PHC3: variants seen among roughly 807,000 people sequenced by gnomAD.
PHC3 encodes polyhomeotic homolog 3.
A neutral mutation model predicts 107.4 loss-of-function variants in PHC3; 13 were observed. The observed-to-expected ratio is 0.12, with a 90% CI of 0.08 to 0.19. The LOEUF is 0.19. Ranked by LOEUF, PHC3 falls within the 10% of genes least tolerant of loss-of-function variation. The pLI is 1.00. For missense variants in PHC3, 992 were observed against 1,210.9 expected, an observed-to-expected ratio of 0.82 and a Z score of 2.68; for synonymous variants, 456 against 427.4, an observed-to-expected ratio of 1.07 and a Z score of -0.83.
chr3:170,127,228 G>A (rs906732570), intron 8 of PHC3, among the ~76,000 whole-genome samples: 1 of 152,094 alleles, frequency 6.6e-6, no homozygotes, highest in African/African-American at 2.4e-5. Context: ...TGCCCAGGCC[G>A]CAATCTCGGC....
chr3:170,177,931 A>C lies in PHC3; in HGVS notation c.180+842T>G, dbSNP rs367847489. ...AGCTATCTCCCTGCCTTGGTCTCCC[A>C]CAGTGTTGGGATTACAGGCGTGAGC... is the stretch of plus-strand genomic sequence containing the variant. On this transcript the variant is annotated intron_variant, in intron 2 of 14. Transcript: ENST00000495893. Among the ~76,000 whole-genome samples the C allele has an allele frequency of 2.0e-5, 3 of 152,122 alleles. No individual in the cohort carries two copies. The South Asian group carries it at 6.2e-4, about 32-fold the overall frequency.
chr3:170,177,011 C>A (rs1730586086), intron 2 of PHC3: 3 of 345,236 alleles, frequency 8.7e-6, no homozygotes, highest in South Asian at 2.2e-5. Flanking sequence ...ATTGCCCCAA[C>A]CTCCATTATC....
At chr3:170,107,723 T>C (rs1716838552) in intron 11 of PHC3, among the ~76,000 whole-genome samples, 1 of 152,238 alleles carries the variant, frequency 6.6e-6, no homozygotes, top group African/African-American at 2.4e-5. Context: ...ATGCTTTTTT[T>C]CATCATGCTT....
At chr3:170,155,779 A>C (rs1040502673) in intron 4 of PHC3, among the ~76,000 whole-genome samples, 2 of 152,114 alleles carry the variant, frequency 1.3e-5, no homozygotes, top group African/African-American at 4.8e-5. Context: ...ATACATACTC[A>C]TAACATGATA....
At chr3:170,145,221 A>G (rs1185788045) in intron 6 of PHC3, among the ~76,000 whole-genome samples, 1 of 152,238 alleles carries the variant, frequency 6.6e-6, no homozygotes, top group African/African-American at 2.4e-5. Context: ...AATAACCTAA[A>G]TATCTGTGTT....
At position 170,122,735 on chromosome 3, in the gene PHC3, C is replaced by T. The variant is rs1720588284; in HGVS notation, c.1798G>A (p.Val600Ile). Residue 600 changes from valine (V) to isoleucine (I), a missense_variant, in exon 9 of 15, where the codon GTA becomes ATA. By Grantham distance (29) the Val-to-Ile change is conservative. This residue lies in a region of PHC3 where 543 missense variants were observed against 590.8 expected (regional missense o/e 0.92). Transcript: ENST00000495893. ...APVDPPVVYQ[V>I]EDVCEEEMPE... The stretch of plus-strand genomic sequence containing the variant: ...ATTTCTTCTTCACACACATCTTCTA[C>T]CTGATAAACCTGCAATGACAAACCA... 1.9e-6 allele frequency: 3 copies of T among 1,613,734 alleles called. No individual in the cohort carries two copies. The highest frequency in any genetic ancestry group is 4.5e-5 in the East Asian group (2 of 44,876).
chr3:170,100,070 T>C (rs1478252544), intron 14 of PHC3, among the ~76,000 whole-genome samples: 1 of 152,184 alleles, frequency 6.6e-6, no homozygotes, highest in Admixed American at 6.5e-5. Context: ...GATTCTGGTC[T>C]ACTGCATACA....
intron 1 of PHC3, among the ~76,000 whole-genome samples, chr3:170,180,477 A>G (rs1731209732): frequency 6.6e-6 from 1 of 152,084 alleles, no homozygotes; most frequent in Non-Finnish European, 1.5e-5. Context: ...AAATAAGAGG[A>G]AAAGTGAAAG....
In PHC3 at chr3:170,095,281, T is replaced by C. The variant is rs1365808613; in HGVS notation, c.*1949A>G. 6.6e-6 allele frequency: 1 copy of C among 152,170 alleles called. No homozygotes were observed. Among genetic ancestry groups the C allele is most frequent in the Non-Finnish European group, 1.5e-5 (1 of 68,020 alleles). The allele number at this position is 152,170 out of a possible 1,614,324, so 9.4% of individuals were successfully genotyped here. A position where few individuals can be genotyped will look rare whatever the true frequency, so the allele number is the denominator to read the frequency against. The stretch of plus-strand genomic sequence containing the variant: ...ATGTGATATAAAGAAATACGTAACA[T>C]AGACTACAAGCTATCGTAGGTCTGG... On this transcript the variant is annotated 3_prime_UTR_variant, in exon 15 of 15. Transcript: ENST00000495893.
chr3:170,158,386 G>A lies in PHC3; in HGVS notation c.415-9142C>T, dbSNP rs533993290. Among the ~76,000 whole-genome samples the A allele has an allele frequency of 4.6e-5, 7 of 151,958 alleles. No homozygotes were observed. In the East Asian group the frequency reaches 9.7e-4, roughly 21 times the overall value. On this transcript the variant is annotated intron_variant, in intron 4 of 14. Transcript: ENST00000495893. ...CAAAAAATCGAGGCAGGCGAATCAC[G>A]AGGTCAGAAGTTCGAAACCAGCCTG...
At chr3:170,127,118 A>T (rs1480499221) in intron 8 of PHC3, among the ~76,000 whole-genome samples, 1 of 152,096 alleles carries the variant, frequency 6.6e-6, no homozygotes, top group African/African-American at 2.4e-5. Flanking sequence ...TCCATAGTAA[A>T]CTCCAAAAAT....
intron 4 of PHC3, among the ~76,000 whole-genome samples, chr3:170,153,567 T>A (rs1726369424): frequency 6.6e-6 from 1 of 151,874 alleles, no homozygotes; most frequent in Non-Finnish European, 1.5e-5. Context: ...ATTGAGACCA[T>A]CCTGGATAAC....
intron 12 of PHC3, among the ~76,000 whole-genome samples, chr3:170,103,281 AAAG>A (rs1715829096): frequency 6.6e-6 from 1 of 152,254 alleles, no homozygotes; most frequent in African/African-American, 2.4e-5. Context: ...TCCGAAAGAA[AAAG>A]AAGTTATGTA....
At chr3:170,126,634 C>T (rs909084834) in intron 8 of PHC3, among the ~76,000 whole-genome samples, 1 of 150,742 alleles carries the variant, frequency 6.6e-6, no homozygotes, top group Non-Finnish European at 1.5e-5. Flanking sequence ...CTCTGCCTCA[C>T]GGGTTCAAGC....
chr3:170,151,160 A>G (rs1037414696), intron 4 of PHC3, among the ~76,000 whole-genome samples: 2 of 151,638 alleles, frequency 1.3e-5, no homozygotes, highest in African/African-American at 4.8e-5. Flanking sequence ...GCAGTGACCC[A>G]AGATCACGCC....
chr3:170,145,599 G>T, intron 5 of PHC3, 78 bp from the exon 6 acceptor site: 1 of 978,888 alleles, frequency 1.0e-6, no homozygotes, highest in Non-Finnish European at 1.5e-6. Context: ...AGGCAAGAGA[G>T]ACTGAAATTT....
intron 9 of PHC3, 52 bp from the exon 10 acceptor site, chr3:170,117,528 A>G (rs1163437144): frequency 1.3e-6 from 2 of 1,535,890 alleles, no homozygotes; most frequent in South Asian, 1.3e-5. Context: ...ATTTTGCCCA[A>G]GCAAATGAAA....
intron 4 of PHC3, among the ~76,000 whole-genome samples, chr3:170,157,313 A>T (rs776286577): frequency 6.6e-6 from 1 of 152,240 alleles, no homozygotes; most frequent in Non-Finnish European, 1.5e-5. Flanking sequence ...TCTATGACAT[A>T]TATGTCCATA....
At position 170,171,393 on chromosome 3, in the gene PHC3, A is replaced by T. The variant is rs978097822; in HGVS notation, c.394T>A (p.Ser132Thr). ...TSPTGSVTQQ[S>T]SMSQTSINLS... ...CTTACAGACGTTTGGGACATACTTG[A>T]CTGCTGTGTGACACTTCCTGTGGGA... The change falls in exon 4 of 15, where the codon TCA becomes ACA. Residue 132 changes from serine (S) to threonine (T), a missense_variant. Physicochemically the swap from Ser to Thr is moderately conservative, Grantham distance 58 (BLOSUM62 1). This residue lies in a region of PHC3 where 161 missense variants were observed against 183.7 expected (regional missense o/e 0.88). Coordinates refer to ENST00000495893, the MANE Select transcript of PHC3 (RefSeq NM_024947.4). The T allele has an allele frequency of 6.2e-7, 1 of 1,606,844 alleles. No individual in the cohort carries two copies. Among genetic ancestry groups the T allele is most frequent in the African/African-American group, 1.3e-5 (1 of 74,694 alleles).
Sources: allele counts gnomAD v4.1 joint callset (sites outside exome capture counted in the v4.1 genomes callset), GRCh38; gene constraint gnomAD v4.1.1; regional missense constraint gnomAD v4.1.1; transcripts MANE v1.5; gene names NCBI Gene and HGNC (gene_info 2026-07-23, HGNC 2026-07-21).